LIPA: variants seen among roughly 807,000 people sequenced by gnomAD.
LIPA encodes the protein lipase A, lysosomal acid type, also known as lysosomal acid lipase/cholesteryl ester hydrolase.
Under a neutral mutation model 40.6 loss-of-function variants are expected in LIPA, and 26 were observed. The ratio of observed to expected loss-of-function variants is 0.64; its 90% CI spans 0.47 to 0.89. The LOEUF (loss-of-function observed/expected upper bound fraction) is 0.89, where lower values mean the gene tolerates loss of function less well. LIPA is among the 40% of genes least tolerant of loss of function. LIPA has a pLI of 0.00. For synonymous variants in LIPA, 188 were observed against 168.4 expected, an observed-to-expected ratio of 1.12 and a Z score of -0.90; for missense variants, 455 against 479.6, an observed-to-expected ratio of 0.95 and a Z score of 0.48.
chr10:89,381,142 G>A (rs1452115883), intron 2 of LIPA, among the ~76,000 whole-genome samples: 1 of 152,074 alleles, frequency 6.6e-6, no homozygotes, highest in Non-Finnish European at 1.5e-5. Context: ...GCTGAGATTG[G>A]GTACATATTT....
At chr10:89,241,754 G>A (rs534403406) in intron 3 of LIPA, among the ~76,000 whole-genome samples, 19 of 152,160 alleles carry the variant, frequency 1.2e-4, no homozygotes, top group African/African-American at 3.1e-4. Flanking sequence ...TCACCCACTC[G>A]GCAATCAGAT....
intron 2 of LIPA, among the ~76,000 whole-genome samples, chr10:89,394,577 AATATATATATATATATAT>A (rs200060906): frequency 0.039 from 4,214 of 108,656 alleles, 167 homozygotes; most frequent in Admixed American, 0.075. Flanking sequence ...ACTACAGGAA[AATATATATATATATATAT>A]ATATATATAT....
chr10:89,235,186 C>T (rs138539877), intron 3 of LIPA, among the ~76,000 whole-genome samples: 497 of 152,376 alleles, frequency 3.3e-3, no homozygotes, highest in Non-Finnish European at 4.8e-3. Context: ...CACTCAGCCT[C>T]GCCTGGTCAG....
intron 5 of LIPA, among the ~76,000 whole-genome samples, chr10:89,225,959 A>G (rs560675104): frequency 6.6e-6 from 1 of 152,292 alleles, no homozygotes; most frequent in Admixed American, 6.5e-5. Context: ...AGGCCTCCCT[A>G]GCTCACAATC....
chr10:89,328,162 G>T, intron 1 of LIPA: 1 of 1,257,632 alleles, frequency 8.0e-7, no homozygotes, highest in South Asian at 1.2e-5. Flanking sequence ...GCACATTCCT[G>T]AATTGTCCTG....
intron 1 of LIPA, chr10:89,306,818 G>T: frequency 1.2e-6 from 2 of 1,614,068 alleles, no homozygotes; most frequent in Non-Finnish European, 8.5e-7. Flanking sequence ...TTGCCAAATT[G>T]GGTGCTGCTA....
intron 1 of LIPA, among the ~76,000 whole-genome samples, chr10:89,262,146 T>A (rs1843214025): frequency 2.6e-5 from 4 of 152,198 alleles, no homozygotes; most frequent in Admixed American, 2.6e-4. Flanking sequence ...TGCTGAGGAC[T>A]TGTAAACTCC....
At chr10:89,338,384 G>A (rs1467074608) in intron 1 of LIPA, 3 of 349,088 alleles carry the variant, frequency 8.6e-6, no homozygotes, top group East Asian at 9.9e-5. Context: ...TCGGTCAGAG[G>A]GAGAATTCTC....
chr10:89,241,908 TCAGA>T (rs1393322261), intron 3 of LIPA, among the ~76,000 whole-genome samples: 1 of 152,190 alleles, frequency 6.6e-6, no homozygotes, highest in African/African-American at 2.4e-5. Flanking sequence ...GAATCTGTAG[TCAGA>T]CAGGTCAGGA....
chr10:89,273,526 CAG>C (rs1843276001), intron 1 of LIPA, among the ~76,000 whole-genome samples: 1 of 152,178 alleles, frequency 6.6e-6, no homozygotes. Flanking sequence ...TCTGAGAAAA[CAG>C]AGCTGATGGT....
chr10:89,322,289 C>T (rs932889880), intron 1 of LIPA, among the ~76,000 whole-genome samples: 3 of 152,048 alleles, frequency 2.0e-5, no homozygotes, highest in African/African-American at 4.8e-5. Flanking sequence ...CAGGCTATCA[C>T]GGAAAGGAAA....
At chr10:89,224,249 G>A (rs1489806895) in intron 6 of LIPA, among the ~76,000 whole-genome samples, 1 of 152,154 alleles carries the variant, frequency 6.6e-6, no homozygotes, top group Non-Finnish European at 1.5e-5. Context: ...CAATGCTACT[G>A]GCCAGCAGGC....
chr10:89,317,791 G>GA (rs1237257224), intron 1 of LIPA, among the ~76,000 whole-genome samples: 4 of 152,134 alleles, frequency 2.6e-5, no homozygotes, highest in African/African-American at 7.2e-5. Flanking sequence ...TGAAATGAAG[G>GA]AAAAAATGTT....
intron 1 of LIPA, among the ~76,000 whole-genome samples, chr10:89,267,195 T>C (rs1015865413): frequency 3.9e-5 from 6 of 152,204 alleles, no homozygotes; most frequent in African/African-American, 1.4e-4. Context: ...CAAAATGGAA[T>C]GATTCAAAGA....
chr10:89,244,765 G>A (rs1438375504), intron 3 of LIPA, among the ~76,000 whole-genome samples: 1 of 151,934 alleles, frequency 6.6e-6, no homozygotes, highest in Non-Finnish European at 1.5e-5. Flanking sequence ...ACATATATAT[G>A]TATATATATA....
chr10:89,268,390 T>C (rs1476999839), intron 1 of LIPA, among the ~76,000 whole-genome samples: 1 of 152,224 alleles, frequency 6.6e-6, no homozygotes, highest in African/African-American at 2.4e-5. Context: ...TGTTAGTTGA[T>C]TGTGTTTTTT....
intron 3 of LIPA, among the ~76,000 whole-genome samples, chr10:89,229,129 A>G (rs11203041): frequency 0.58 from 88,452 of 152,124 alleles, 25,963 homozygotes; most frequent in African/African-American, 0.65. Context: ...AAATGAATGC[A>G]TAACTAAACT....
At chr10:89,284,228 T>A (rs1235410951) in intron 1 of LIPA, 1 of 152,248 alleles carries the variant, frequency 6.6e-6, no homozygotes, top group Non-Finnish European at 1.5e-5. Flanking sequence ...CAGTTAATGA[T>A]GCAAACCAGG....
intron 1 of LIPA, among the ~76,000 whole-genome samples, chr10:89,333,634 A>C (rs1843684699): frequency 6.6e-6 from 1 of 152,266 alleles, no homozygotes; most frequent in African/African-American, 2.4e-5. Flanking sequence ...CAGGGGCTCC[A>C]GACCAGAATT....
Sources: gnomAD v4.1 joint callset for allele counts (sites outside exome capture counted in the v4.1 genomes callset) on GRCh38, gnomAD v4.1.1 for gene constraint, MANE v1.5 for transcripts, NCBI Gene and HGNC (gene_info 2026-07-23, HGNC 2026-07-21) for gene names.